The following SLC47A2 variants were observed in gnomAD, a reference collection of about 807,000 sequenced individuals.
SLC47A2 encodes the protein multidrug and toxin extrusion protein 2.
In SLC47A2, 52 loss-of-function variants were observed where a neutral mutation model predicts 67.7. The observed-to-expected ratio is 0.77, with a 90% CI of 0.61 to 0.97. The LOEUF is 0.97. Ranked by LOEUF, SLC47A2 falls within the 50% of genes least tolerant of loss-of-function variation. SLC47A2 has a pLI of 0.00. For missense variants in SLC47A2, 676 were observed against 712.3 expected (o/e 0.95, Z 0.58); for synonymous variants, 278 against 292.9 (o/e 0.95, Z 0.52).
intron 13 of SLC47A2, chr17:19,702,007 G>T (rs1284244576): frequency 2.5e-6 from 1 of 403,618 alleles, no homozygotes. Context: ...TACTCAGGAG[G>T]CTGAGGTGAG....
At chr17:19,708,690 C>A in intron 6 of SLC47A2, 26 bp downstream of exon 6, 2 of 1,613,576 alleles carry the variant, frequency 1.2e-6, no homozygotes, top group Non-Finnish European at 1.7e-6. Flanking sequence ...GGGAGAAGGG[C>A]CTCCCCACAC....
chr17:19,693,610 A>AT (rs1382231176), intron 13 of SLC47A2, among the ~76,000 whole-genome samples: 2 of 127,120 alleles, frequency 1.6e-5, no homozygotes, highest in East Asian at 3.7e-4. Context: ...GTCTCTACTA[A>AT]AAATAATAAT....
At chr17:19,712,407 G>C (rs2086124822) in intron 5 of SLC47A2, among the ~76,000 whole-genome samples, 1 of 152,162 alleles carries the variant, frequency 6.6e-6, no homozygotes, top group Non-Finnish European at 1.5e-5. Context: ...AAATCCTGGA[G>C]AGAGATAGTA....
intron 7 of SLC47A2, 90 bp downstream of exon 7, chr17:19,708,212 G>T: frequency 1.4e-6 from 2 of 1,452,306 alleles, no homozygotes; most frequent in Non-Finnish European, 1.9e-6. Flanking sequence ...CACAGGCAGG[G>T]CCAGGATGGT....
chr17:19,679,916 T>C, intron 16 of SLC47A2, 36 bp downstream of exon 16: 1 of 1,596,698 alleles, frequency 6.3e-7, no homozygotes, highest in Non-Finnish European at 8.5e-7. Flanking sequence ...GACATTTATA[T>C]GTGTACCAAA....
At position 19,678,683 on chromosome 17, in the gene SLC47A2, T is replaced by C; in HGVS notation, c.*3A>G. Reference sequence around the variant, plus strand: ...CCTGGCTTTCTATTTCCAAGCTTCTTTGCTAGTGCCTGGTGGCTAGGATCC... The same window carrying C: ...CCTGGCTTTCTATTTCCAAGCTTCTCTGCTAGTGCCTGGTGGCTAGGATCC... On this transcript the variant is annotated 3_prime_UTR_variant, in exon 17 of 17. Transcript: ENST00000433844. The C allele has an allele frequency of 1.2e-6, 2 of 1,611,524 alleles. No homozygotes were observed. Among genetic ancestry groups the C allele is most frequent in the African/African-American group, 2.7e-5 (2 of 74,996 alleles).
At chr17:19,682,364 C>CACACAA (rs778377991) in intron 13 of SLC47A2, among the ~76,000 whole-genome samples, 1 of 146,774 alleles carries the variant, frequency 6.8e-6, no homozygotes, top group Non-Finnish European at 1.5e-5. Context: ...CACACACACA[C>CACACAA]AAATTTATTA....
chr17:19,707,753 C>G lies in SLC47A2; in HGVS notation c.720G>C (p.Thr240=). The G allele has an allele frequency of 6.3e-7, 1 of 1,588,962 alleles. No individual in the cohort carries two copies. Among genetic ancestry groups the G allele is most frequent in the East Asian group, 2.3e-5 (1 of 43,032 alleles). The part of the protein sequence containing the change: ...YIVLKKLHLE[T]WAGWSSQCLQ... The stretch of plus-strand genomic sequence containing the variant: ...GCAGGCCAGGCCTCCCACCTGCCCA[C>G]GTCTCCAGGTGCAGCTTCTTCAGCA... Residue 240 remains threonine (T), a synonymous_variant, in exon 8 of 17, where the codon ACG becomes ACC. Transcript: ENST00000433844.
chr17:19,686,410 T>A (rs1057476014), intron 13 of SLC47A2, among the ~76,000 whole-genome samples: 1 of 151,882 alleles, frequency 6.6e-6, no homozygotes, highest in Non-Finnish European at 1.5e-5. Flanking sequence ...CACCAAACCA[T>A]AAAATAAATA....
intron 15 of SLC47A2, 137 bp downstream of exon 15, chr17:19,681,230 A>C (rs1812051): frequency 0.65 from 444,240 of 686,078 alleles, 148,494 homozygotes; most frequent in East Asian, 0.97. Context: ...AACAAACAAA[A>C]AAAAAAAACA....
At position 19,695,515 on chromosome 17, in the gene SLC47A2, C is replaced by CAA. The variant is rs201305334; in HGVS notation, c.1164+7088_1164+7089dup. On this transcript the variant is annotated intron_variant, in intron 13 of 16. Transcript: ENST00000433844. Reference sequence around the variant, plus strand: ...AACAAAGAACAAAAAAAAAAAACAGCAAAAAAAAAAAAAAGAAAAAATGTA... The same window carrying CAA: ...AACAAAGAACAAAAAAAAAAAACAGCAAAAAAAAAAAAAAAAGAAAAAATGTA... Among the ~76,000 whole-genome samples the CAA allele has an allele frequency of 2.7e-3, 247 of 91,340 alleles. 1 individual carries two copies. In the South Asian group the frequency reaches 0.039, roughly 15 times the overall value. 59.9% of individuals were successfully genotyped at this position (91,340 alleles called of 152,430 possible). A position where few individuals can be genotyped will look rare whatever the true frequency, so the allele number is the denominator to read the frequency against.
chr17:19,710,816 C>CT (rs34676875), intron 5 of SLC47A2, among the ~76,000 whole-genome samples: 46,711 of 139,906 alleles, frequency 0.33, 8,854 homozygotes, highest in Non-Finnish European at 0.44. Flanking sequence ...ATTCACAAAT[C>CT]TTTTTTTTTT....
Position 19,708,293 on chromosome 17 carries a change from C to T in SLC47A2, c.629+9G>A, listed in dbSNP as rs1005682153. On this transcript the variant is annotated intron_variant, in intron 7 of 16. Transcript: ENST00000433844. Reference sequence around the variant, plus strand: ...CCCCTGACCAGGCCCCACCAGCCCCCGGGCTCACCTGACCCCCAGGTTCAG... The same window carrying T: ...CCCCTGACCAGGCCCCACCAGCCCCTGGGCTCACCTGACCCCCAGGTTCAG... 8 of 1,612,048 alleles carry T rather than the reference C, an allele frequency of 5.0e-6. No homozygotes were observed. The highest frequency in any genetic ancestry group is 2.7e-5 in the African/African-American group (2 of 74,878).
rs1323546512 is a variant in SLC47A2, at chr17:19,678,439, G to C, written c.*247C>G. Reference sequence around the variant, plus strand: ...TCCCTGGACTCTGACTCGTGCAGTTGGCTGATGTCTTCTGTAGAGCAGTCC... The same window carrying C: ...TCCCTGGACTCTGACTCGTGCAGTTCGCTGATGTCTTCTGTAGAGCAGTCC... On this transcript the variant is annotated 3_prime_UTR_variant, in exon 17 of 17. Transcript: ENST00000433844. 1 of 530,044 alleles carries C rather than the reference G, an allele frequency of 1.9e-6. No homozygotes were observed. The highest frequency in any genetic ancestry group is 3.0e-5 in the East Asian group (1 of 33,258). The allele number at this position is 530,044 out of a possible 1,614,324, so 32.8% of individuals were successfully genotyped here.
intron 15 of SLC47A2, among the ~76,000 whole-genome samples, chr17:19,681,106 G>C (rs920940858): frequency 6.6e-6 from 1 of 152,136 alleles, no homozygotes; most frequent in African/African-American, 2.4e-5. Context: ...CCAGGTACTG[G>C]GGAGGCTGAG....
At chr17:19,699,766 G>C (rs1312905698) in intron 13 of SLC47A2, among the ~76,000 whole-genome samples, 2 of 152,092 alleles carry the variant, frequency 1.3e-5, no homozygotes, top group East Asian at 3.8e-4. Context: ...TGACTTAACA[G>C]TTCAACTCCC....
chr17:19,688,586 TTTTG>T (rs1041181575), intron 13 of SLC47A2, among the ~76,000 whole-genome samples: 2 of 152,128 alleles, frequency 1.3e-5, no homozygotes, highest in Non-Finnish European at 1.5e-5. Flanking sequence ...ATATCATCTT[TTTTG>T]TTTGTTTGTT....
intron 11 of SLC47A2, among the ~76,000 whole-genome samples, chr17:19,703,476 C>T (rs1255233669): frequency 6.6e-6 from 1 of 152,228 alleles, no homozygotes; most frequent in East Asian, 1.9e-4. Flanking sequence ...TGCCTCCGAC[C>T]TGCTGAACCA....
Position 19,716,552 on chromosome 17 carries a change from C to T in SLC47A2, c.4G>A (p.Asp2Asn). ...AGGGCCACTGTGTCCTGGAGGCTGT[C>T]CATTCCTGGCCGGGGCACTGGCTAC... is the stretch of plus-strand genomic sequence containing the variant. Reference protein sequence around the residue: MDSLQDTVALDH... With the variant: MNSLQDTVALDH... Residue 2 changes from aspartate to asparagine, a missense_variant, in exon 1 of 17, where the codon GAC becomes AAC. Transcript: ENST00000433844. 17 of 1,601,536 alleles carry T rather than the reference C, an allele frequency of 1.1e-5. No individual in the cohort carries two copies. Among genetic ancestry groups the T allele is most frequent in the Non-Finnish European group, 1.4e-5 (17 of 1,175,006 alleles).
Sources: allele counts gnomAD v4.1 joint callset (sites outside exome capture counted in the v4.1 genomes callset), GRCh38; gene constraint gnomAD v4.1.1; transcripts MANE v1.5; gene names NCBI Gene and HGNC (gene_info 2026-07-23, HGNC 2026-07-21).